PELI2: variants seen among roughly 807,000 people sequenced by gnomAD.
PELI2 encodes the protein E3 ubiquitin-protein ligase pellino homolog 2.
In PELI2, 23 loss-of-function variants were observed where a neutral mutation model predicts 42.3. The ratio of observed to expected loss-of-function variants is 0.54; its 90% CI spans 0.39 to 0.77. The LOEUF (loss-of-function observed/expected upper bound fraction) is 0.77. Ranked by LOEUF, PELI2 falls within the 30% of genes least tolerant of loss-of-function variation. The pLI is 0.00. For missense variants in PELI2, 463 were observed against 553.2 expected, an observed-to-expected ratio of 0.84 and a Z score of 1.64; for synonymous variants, 245 against 212.2, an observed-to-expected ratio of 1.15 and a Z score of -1.34.
chr14:56,273,496 A>G lies in PELI2; in HGVS notation c.208-6180A>G, dbSNP rs1889176552. On this transcript the variant is annotated intron_variant, in intron 2 of 5. Coordinates refer to ENST00000267460, the MANE Select transcript of PELI2 (RefSeq NM_021255.3). The surrounding 1 kb of genome is among the most constrained non-coding windows in gnomAD (Gnocchi z 4.3). ...AGGGCTGCAAAAAAGCTGATTATAA[A>G]ATTCCTTTGAGGAATAAATCAGTTT... Among the ~76,000 whole-genome samples the G allele has an allele frequency of 6.6e-6, 1 of 152,208 alleles. No individual in the cohort carries two copies. The highest frequency in any genetic ancestry group is 2.1e-4 in the South Asian group (1 of 4,834).
At chr14:56,295,950 G>T (rs1333056643) in intron 5 of PELI2, among the ~76,000 whole-genome samples, 1 of 152,348 alleles carries the variant, frequency 6.6e-6, no homozygotes, top group Non-Finnish European at 1.5e-5. Context: ...TGGAGGCAGC[G>T]GTCACGTTCT....
chr14:56,253,666 G>A (rs779472615), intron 2 of PELI2, among the ~76,000 whole-genome samples: 8 of 152,116 alleles, frequency 5.3e-5, no homozygotes, highest in South Asian at 2.1e-4. Context: ...TCTCTTCAAG[G>A]AGAACTACAA....
At chr14:56,150,542 G>A (rs1022226859) in intron 1 of PELI2, among the ~76,000 whole-genome samples, 1 of 151,758 alleles carries the variant, frequency 6.6e-6, no homozygotes, top group Non-Finnish European at 1.5e-5. Flanking sequence ...AATGAGTTTT[G>A]GAAGTAGGTA....
At chr14:56,231,865 G>C (rs1887586156) in intron 2 of PELI2, among the ~76,000 whole-genome samples, 2 of 151,938 alleles carry the variant, frequency 1.3e-5, no homozygotes, top group Non-Finnish European at 2.9e-5. Context: ...CTGCTAGCAA[G>C]ACTAATAAAG....
Position 56,221,762 on chromosome 14 carries a change from T to C in PELI2, c.207+43298T>C, listed in dbSNP as rs140490712. ...TTTTATAAATAGTTGATAATTTAAA[T>C]GTTCAGATTTTATTTTAACCTTCTT... On this transcript the variant is annotated intron_variant, in intron 2 of 5. Coordinates refer to ENST00000267460, the MANE Select transcript of PELI2 (RefSeq NM_021255.3). Among the ~76,000 whole-genome samples, 1,083 of 152,374 alleles carry C rather than the reference T, an allele frequency of 7.1e-3. 7 individuals carry two copies. Among genetic ancestry groups the C allele is most frequent in the African/African-American group, 0.025 (1,035 of 41,586 alleles).
At chr14:56,120,057 A>G (rs67547397) in intron 1 of PELI2, among the ~76,000 whole-genome samples, 20,405 of 152,212 alleles carry the variant, frequency 0.13, 2,953 homozygotes, top group African/African-American at 0.36. Flanking sequence ...TTGCTAGTGC[A>G]TTAAGTGGGG....
intron 1 of PELI2, among the ~76,000 whole-genome samples, chr14:56,144,138 C>T (rs1232184224): frequency 6.6e-6 from 1 of 152,212 alleles, no homozygotes. Flanking sequence ...TCTCTTTTCC[C>T]TTACTTGTAA....
chr14:56,268,553 T>C (rs1468653102), intron 2 of PELI2, among the ~76,000 whole-genome samples: 1 of 152,220 alleles, frequency 6.6e-6, no homozygotes, highest in African/African-American at 2.4e-5. Flanking sequence ...ACTTGGCATT[T>C]CACAAGAATG....
chr14:56,127,791 G>A (rs527320650), intron 1 of PELI2, among the ~76,000 whole-genome samples: 5 of 152,166 alleles, frequency 3.3e-5, no homozygotes, highest in African/African-American at 1.2e-4. Flanking sequence ...GGGAATTTTA[G>A]CATTTTTCAT....
chr14:56,260,793 T>G (rs890846924), intron 2 of PELI2, among the ~76,000 whole-genome samples: 1 of 152,222 alleles, frequency 6.6e-6, no homozygotes, highest in Non-Finnish European at 1.5e-5. Context: ...TTGCCTGGGG[T>G]CAGCCCATGT....
intron 2 of PELI2, among the ~76,000 whole-genome samples, chr14:56,179,536 C>T (rs941082517): frequency 1.3e-5 from 2 of 152,082 alleles, no homozygotes; most frequent in South Asian, 2.1e-4. Context: ...AAATATCAAA[C>T]ACCACGGAAA....
At chr14:56,177,230 C>G (rs1391278255) in intron 1 of PELI2, among the ~76,000 whole-genome samples, 5 of 152,200 alleles carry the variant, frequency 3.3e-5, no homozygotes, top group Non-Finnish European at 5.9e-5. Flanking sequence ...AAGCCCCTTT[C>G]TTCCAACTTC....
chr14:56,274,049 C>G (rs770384738), intron 2 of PELI2, among the ~76,000 whole-genome samples: 52 of 152,138 alleles, frequency 3.4e-4, no homozygotes, highest in Non-Finnish European at 4.7e-4. Context: ...CTCAGTGTCT[C>G]TCATCCCCAG....
At chr14:56,241,477 T>C (rs1887971912) in intron 2 of PELI2, among the ~76,000 whole-genome samples, 1 of 152,122 alleles carries the variant, frequency 6.6e-6, no homozygotes, top group African/African-American at 2.4e-5. Flanking sequence ...ACAGGAGTGT[T>C]TTGCCTTTTA....
chr14:56,151,938 G>A (rs1884375228), intron 1 of PELI2, among the ~76,000 whole-genome samples: 1 of 152,178 alleles, frequency 6.6e-6, no homozygotes. Context: ...CCAAAGTTGA[G>A]CAGTCCAAGG....
intron 1 of PELI2, among the ~76,000 whole-genome samples, chr14:56,164,852 A>G (rs1246599117): frequency 6.6e-6 from 1 of 151,784 alleles, no homozygotes; most frequent in Non-Finnish European, 1.5e-5. Context: ...ACTAATGATC[A>G]TTTGGATTTC....
At chr14:56,239,436 G>T (rs1887901435) in intron 2 of PELI2, among the ~76,000 whole-genome samples, 1 of 152,160 alleles carries the variant, frequency 6.6e-6, no homozygotes, top group Non-Finnish European at 1.5e-5. Context: ...CAACATATGA[G>T]AACTGATTTT....
intron 2 of PELI2, among the ~76,000 whole-genome samples, chr14:56,257,136 A>G (rs1268559814): frequency 3.9e-5 from 6 of 152,216 alleles, no homozygotes; most frequent in Admixed American, 2.6e-4. Context: ...TTGATAACAA[A>G]TAAGTATATT....
At chr14:56,282,308 G>A (rs1466798511) in intron 3 of PELI2, among the ~76,000 whole-genome samples, 1 of 151,920 alleles carries the variant, frequency 6.6e-6, no homozygotes, top group East Asian at 1.9e-4. Context: ...ATATTATTGA[G>A]TATATGGAGT....
Sources: gnomAD v4.1 joint callset for allele counts (sites outside exome capture counted in the v4.1 genomes callset) on GRCh38, gnomAD v4.1.1 for gene constraint, Gnocchi (gnomAD v3.1) non-coding constraint, MANE v1.5 for transcripts, NCBI Gene and HGNC (gene_info 2026-07-23, HGNC 2026-07-21) for gene names.